DYNC2LI1: variants seen among roughly 807,000 people sequenced by gnomAD.
DYNC2LI1 encodes dynein cytoplasmic 2 light intermediate chain 1.
A neutral mutation model predicts 51.9 loss-of-function variants in DYNC2LI1; 45 were observed. The observed-to-expected ratio is 0.87, with a 90% CI of 0.68 to 1.11. The LOEUF is 1.11. Among genes scored for constraint, DYNC2LI1 ranks in the 50% most tolerant of loss-of-function variants. The probability of loss-of-function intolerance (pLI) is 0.00; values close to 1 mark genes in which losing one functional copy is unlikely to be tolerated. For missense variants in DYNC2LI1, 490 were observed against 417.4 expected (o/e 1.17, Z -1.51); for synonymous variants, 130 against 137.8 (o/e 0.94, Z 0.40).
At chr2:43,816,805 C>G in the DYNC2LI1 span, among the ~76,000 whole-genome samples, 1 of 152,176 alleles carries the variant, frequency 6.6e-6, no homozygotes, top group Non-Finnish European at 1.5e-5. Context: ...ATATAAAATT[C>G]TAGCAAGAAC....
the DYNC2LI1 span, among the ~76,000 whole-genome samples, chr2:43,823,309 T>C: frequency 2.4e-5 from 2 of 84,816 alleles, no homozygotes; most frequent in Non-Finnish European, 4.3e-5. Context: ...GCAGCCTGCA[T>C]TTTAGACTTG....
Position 43,783,810 on chromosome 2 carries a change from G to A in DYNC2LI1, c.161+256G>A, listed in dbSNP as rs528067969. Reference sequence around the variant, plus strand: ...TACCATAATTACCCAACCTACAATAGTATTTACCTTCTTTTTGGCTATGCT... The same window carrying A: ...TACCATAATTACCCAACCTACAATAATATTTACCTTCTTTTTGGCTATGCT... On this transcript the variant is annotated intron_variant, in intron 3 of 12. Coordinates refer to ENST00000260605, the MANE Select transcript of DYNC2LI1 (RefSeq NM_016008.4). Among the ~76,000 whole-genome samples the A allele has an allele frequency of 2.6e-5, 4 of 152,188 alleles. No individual in the cohort carries two copies. The East Asian group carries it at 7.7e-4, about 29-fold the overall frequency.
Position 43,776,721 on chromosome 2 carries a change from G to T in DYNC2LI1, c.9-61G>T, listed in dbSNP as rs959738183. 1.8e-5 allele frequency: 14 copies of T among 769,090 alleles called. No homozygotes were observed. The African/African-American group carries it at 2.4e-4, about 13-fold the overall frequency. The allele number at this position is 769,090 out of a possible 1,614,324, so 47.6% of individuals were successfully genotyped here. A position where few individuals can be genotyped will look rare whatever the true frequency, so the allele number is the denominator to read the frequency against. ...ACTGAAATAAAATTTCTCTGAGCTT[G>T]AAATAAATATTTGAAAGAATTCTTT... is the stretch of plus-strand genomic sequence containing the variant. On this transcript the variant is annotated intron_variant, in intron 1 of 12. Transcript: ENST00000260605.
At chr2:43,810,562 A>G (rs745373903), downstream of DYNC2LI1, 50 of 958,628 alleles carry the variant, frequency 5.2e-5, no homozygotes, top group East Asian at 1.1e-4. Context: ...GATTTATTCT[A>G]TGTTCTTCCA....
At chr2:43,795,597 A>G (rs1300124233) in intron 6 of DYNC2LI1, among the ~76,000 whole-genome samples, 1 of 152,190 alleles carries the variant, frequency 6.6e-6, no homozygotes, top group African/African-American at 2.4e-5. Flanking sequence ...GTCAACATAA[A>G]ATAGAATAAA....
the DYNC2LI1 span, chr2:43,826,517 G>A: frequency 6.2e-7 from 1 of 1,614,190 alleles, no homozygotes; most frequent in African/African-American, 1.3e-5. Context: ...CAAACAGCAT[G>A]ACCTCTGCCA....
At chr2:43,782,909 G>GA (rs1673357741) in intron 2 of DYNC2LI1, among the ~76,000 whole-genome samples, 1 of 152,168 alleles carries the variant, frequency 6.6e-6, no homozygotes, top group Admixed American at 6.5e-5. Context: ...TTGAGCCCAG[G>GA]AGGCAGAGGT....
the DYNC2LI1 span, chr2:43,824,433 C>G: frequency 6.2e-7 from 1 of 1,613,650 alleles, no homozygotes; most frequent in Non-Finnish European, 8.5e-7. Flanking sequence ...GTCAGGTCCA[C>G]TAAAAGTTTT....
At chr2:43,823,070 G>A in the DYNC2LI1 span, 4 of 1,176,982 alleles carry the variant, frequency 3.4e-6, no homozygotes, top group Non-Finnish European at 4.9e-6. Flanking sequence ...AGTCATAGAA[G>A]GAGGGGACCT....
At chr2:43,820,152 A>G in the DYNC2LI1 span, 3 of 1,565,644 alleles carry the variant, frequency 1.9e-6, no homozygotes, top group Non-Finnish European at 2.6e-6. Flanking sequence ...TCATTTAAGA[A>G]AAATACTGCA....
chr2:43,774,270 G>T, intron 1 of DYNC2LI1, 124 bp downstream of exon 1: 1 of 1,298,492 alleles, frequency 7.7e-7, no homozygotes, highest in East Asian at 2.6e-5. Context: ...GATATGCAGG[G>T]TCGGGGACCT....
At chr2:43,813,118 A>G (rs1666566429), downstream of DYNC2LI1, 8 of 1,168,868 alleles carry the variant, frequency 6.8e-6, no homozygotes, top group Non-Finnish European at 6.5e-6. Flanking sequence ...GGCTTTCACT[A>G]CCTGCTAATG....
chr2:43,777,981 T>A (rs1395364750), intron 2 of DYNC2LI1, among the ~76,000 whole-genome samples: 1 of 152,214 alleles, frequency 6.6e-6, no homozygotes, highest in Non-Finnish European at 1.5e-5. Flanking sequence ...AAATTAGAAA[T>A]ATGGATAGTA....
intron 12 of DYNC2LI1, among the ~76,000 whole-genome samples, chr2:43,809,332 G>A (rs1457159527): frequency 6.6e-6 from 1 of 152,086 alleles, no homozygotes; most frequent in African/African-American, 2.4e-5. Context: ...CTTCAACCAA[G>A]TTTTTGATTA....
At chr2:43,793,881 G>A (rs930064558) in intron 5 of DYNC2LI1, 3 of 152,978 alleles carry the variant, frequency 2.0e-5, no homozygotes, top group African/African-American at 7.2e-5. Flanking sequence ...CAGAGAGACA[G>A]AATGGTATTG....
the DYNC2LI1 span, chr2:43,822,659 C>A: frequency 1.3e-6 from 2 of 1,550,036 alleles, no homozygotes; most frequent in Admixed American, 1.9e-5. Context: ...GAAGATACGA[C>A]ATTGCACTAG....
intron 4 of DYNC2LI1, among the ~76,000 whole-genome samples, chr2:43,788,091 A>T (rs1000144214): frequency 3.9e-5 from 6 of 152,224 alleles, no homozygotes; most frequent in African/African-American, 1.4e-4. Context: ...GACATGAGTA[A>T]TAAGCCTAGA....
intron 2 of DYNC2LI1, among the ~76,000 whole-genome samples, chr2:43,779,553 A>T (rs1268571171): frequency 6.6e-6 from 1 of 152,226 alleles, no homozygotes; most frequent in Non-Finnish European, 1.5e-5. Context: ...TTGTACACCA[A>T]CAATGACAAT....
At chr2:43,810,619 T>G (rs1187741978), downstream of DYNC2LI1, 2 of 665,900 alleles carry the variant, frequency 3.0e-6, no homozygotes, top group African/African-American at 2.0e-5. Flanking sequence ...ATAAGCACAT[T>G]TACTACCCCA....
Sources: allele counts gnomAD v4.1 joint callset (sites outside exome capture counted in the v4.1 genomes callset), GRCh38; gene constraint gnomAD v4.1.1; transcripts MANE v1.5; gene names NCBI Gene and HGNC (gene_info 2026-07-23, HGNC 2026-07-21).